S100Z: variants seen among roughly 807,000 people sequenced by gnomAD.
S100Z encodes the protein protein S100-Z.
A neutral mutation model predicts 8.5 loss-of-function variants in S100Z; 11 were observed. The observed-to-expected ratio is 1.30, with a 90% confidence interval of 0.82 to 2.15. The LOEUF (loss-of-function observed/expected upper bound fraction) is 2.15. Ranked by LOEUF, S100Z falls within the 30% of genes most tolerant of loss-of-function variation. S100Z has a pLI of 0.00. For synonymous variants in S100Z, 34 were observed against 43.8 expected, an observed-to-expected ratio of 0.78 and a Z score of 0.89; for missense variants, 126 against 117.9, an observed-to-expected ratio of 1.07 and a Z score of -0.32.
chr5:76,911,697 T>C (rs541646487), intron 4 of S100Z, among the ~76,000 whole-genome samples: 1 of 152,330 alleles, frequency 6.6e-6, no homozygotes, highest in South Asian at 2.1e-4. Flanking sequence ...CTCTTGAACT[T>C]TCTAGCTAAT....
intron 2 of S100Z, 133 bp from the exon 3 acceptor site, chr5:76,875,171 T>G (rs1001151480): frequency 2.3e-6 from 1 of 442,866 alleles, no homozygotes; most frequent in Non-Finnish European, 3.9e-6. Flanking sequence ...GATTACAGGC[T>G]TGAGCCACCG....
At position 76,884,343 on chromosome 5, in the gene S100Z, T is replaced by G. The variant is rs1242741276; in HGVS notation, c.*2+6509T>G. ...AGCTATACCTGGGGAATCTGCCTGA[T>G]AGTTCCATTGGGATCTTCTCGGGGA... is the stretch of plus-strand genomic sequence containing the variant. On this transcript the variant is annotated intron_variant, in intron 4 of 4. Coordinates refer to ENST00000317593, the MANE Select transcript of S100Z (RefSeq NM_130772.4). 3.3e-5 allele frequency among the ~76,000 whole-genome samples: 5 copies of G among 152,226 alleles called. No individual in the cohort carries two copies. The East Asian group carries it at 9.6e-4, about 29-fold the overall frequency.
intron 4 of S100Z, among the ~76,000 whole-genome samples, chr5:76,895,336 C>T (rs912677569): frequency 6.6e-6 from 1 of 152,062 alleles, no homozygotes; most frequent in African/African-American, 2.4e-5. Context: ...CCTGGAGTTC[C>T]TCAGGAATAA....
At chr5:76,910,280 G>T (rs1744601964) in intron 4 of S100Z, among the ~76,000 whole-genome samples, 1 of 152,184 alleles carries the variant, frequency 6.6e-6, no homozygotes, top group African/African-American at 2.4e-5. Flanking sequence ...TGCCCAATCT[G>T]CAGCAGATAT....
chr5:76,857,222 G>A (rs1750907063), intron 1 of S100Z, among the ~76,000 whole-genome samples: 1 of 152,066 alleles, frequency 6.6e-6, no homozygotes, highest in Non-Finnish European at 1.5e-5. Context: ...ACCCTGGGAG[G>A]TGGAGGTTGC....
intron 4 of S100Z, among the ~76,000 whole-genome samples, chr5:76,889,379 A>G (rs1355514024): frequency 6.6e-6 from 1 of 152,188 alleles, no homozygotes; most frequent in African/African-American, 2.4e-5. Context: ...TTGAACACAT[A>G]TGTTGGATGT....
chr5:76,940,603 G>A, the S100Z span, among the ~76,000 whole-genome samples: 1 of 151,936 alleles, frequency 6.6e-6, no homozygotes, highest in African/African-American at 2.4e-5. Flanking sequence ...AGTAGAGAAG[G>A]GGTTTCACCA....
intron 4 of S100Z, among the ~76,000 whole-genome samples, chr5:76,913,248 C>T (rs1242405232): frequency 6.6e-6 from 1 of 152,200 alleles, no homozygotes. Context: ...GGATCTAAAT[C>T]TTAACTAATT....
chr5:76,894,610 T>G (rs1019917368), intron 4 of S100Z, among the ~76,000 whole-genome samples: 5 of 151,958 alleles, frequency 3.3e-5, no homozygotes, highest in Non-Finnish European at 5.9e-5. Flanking sequence ...TTTTTTTTTT[T>G]TTGAGATGGA....
At chr5:76,943,058 G>A in the S100Z span, among the ~76,000 whole-genome samples, 7 of 152,104 alleles carry the variant, frequency 4.6e-5, no homozygotes, top group Admixed American at 1.3e-4. Flanking sequence ...TGTGCACAAC[G>A]TGCAGGTTTG....
intron 4 of S100Z, among the ~76,000 whole-genome samples, chr5:76,891,405 G>T (rs1006758235): frequency 6.6e-6 from 1 of 152,168 alleles, no homozygotes; most frequent in Non-Finnish European, 1.5e-5. Context: ...TTCAACCAGG[G>T]TTGAAAATTA....
chr5:76,887,324 C>G (rs1248778994), intron 4 of S100Z, among the ~76,000 whole-genome samples: 3 of 150,238 alleles, frequency 2.0e-5, no homozygotes, highest in Non-Finnish European at 4.4e-5. Flanking sequence ...GTCTCGATCT[C>G]CTGACCTTGT....
intron 4 of S100Z, among the ~76,000 whole-genome samples, chr5:76,884,965 C>A (rs1307097150): frequency 6.6e-6 from 1 of 152,040 alleles, no homozygotes; most frequent in African/African-American, 2.4e-5. Context: ...AGGGAGGAAC[C>A]AATGTGTAAA....
downstream of S100Z, among the ~76,000 whole-genome samples, chr5:76,924,727 T>C (rs1745105359): frequency 6.6e-6 from 1 of 152,040 alleles, no homozygotes; most frequent in Non-Finnish European, 1.5e-5. Context: ...TTGGCCAACA[T>C]GGTGAAACCC....
rs1473544997 is a variant in S100Z, at chr5:76,921,171, CA to C, written c.*463del. On this transcript the variant is annotated 3_prime_UTR_variant, in exon 5 of 5. Coordinates refer to ENST00000317593, the MANE Select transcript of S100Z (RefSeq NM_130772.4). Reference sequence around the variant, plus strand: ...ATGGTTCATAAAAATGAGATTACACCAAAAAATATCTTTTGTTATCTATATA... The same window carrying C: ...ATGGTTCATAAAAATGAGATTACACCAAAAATATCTTTTGTTATCTATATA... 2.6e-5 allele frequency: 4 copies of C among 151,972 alleles called. No individual in the cohort carries two copies. The highest frequency in any genetic ancestry group is 5.9e-5 in the Non-Finnish European group (4 of 67,976). 9.4% of individuals were successfully genotyped at this position (151,972 alleles called of 1,614,324 possible).
chr5:76,911,595 T>G (rs1744663296), intron 4 of S100Z, among the ~76,000 whole-genome samples: 1 of 152,230 alleles, frequency 6.6e-6, no homozygotes, highest in South Asian at 2.1e-4. Context: ...CTAGGCCATT[T>G]CTCAAGTCCA....
chr5:76,871,746 C>T (rs1743016726), intron 2 of S100Z, among the ~76,000 whole-genome samples: 1 of 152,054 alleles, frequency 6.6e-6, no homozygotes, highest in Admixed American at 6.5e-5. Flanking sequence ...AAGCTGGTCT[C>T]GAACTCCTTA....
intron 1 of S100Z, among the ~76,000 whole-genome samples, chr5:76,855,166 A>G (rs1750848206): frequency 6.6e-6 from 1 of 152,212 alleles, no homozygotes; most frequent in Non-Finnish European, 1.5e-5. Context: ...CTTCATAGAG[A>G]ACGTCTGCAA....
intron 4 of S100Z, among the ~76,000 whole-genome samples, chr5:76,885,066 C>T (rs1036452888): frequency 2.0e-5 from 3 of 152,100 alleles, no homozygotes; most frequent in South Asian, 2.1e-4. Context: ...TCATAAGTGC[C>T]GTTTTCTGGC....
Sources: gnomAD v4.1 joint callset for allele counts (sites outside exome capture counted in the v4.1 genomes callset) on GRCh38, gnomAD v4.1.1 for gene constraint, MANE v1.5 for transcripts, NCBI Gene and HGNC (gene_info 2026-07-23, HGNC 2026-07-21) for gene names.